CSMD1: variants seen among roughly 807,000 people sequenced by gnomAD.
CSMD1 encodes CUB and Sushi multiple domains 1.
In CSMD1, 213 loss-of-function variants were observed where a neutral mutation model predicts 417.5. That is an observed-to-expected ratio of 0.51 (90% CI 0.46 to 0.57). The LOEUF (loss-of-function observed/expected upper bound fraction) is 0.57, where lower values mean the gene tolerates loss of function less well. Among genes scored for constraint, CSMD1 ranks in the 20% least tolerant of loss-of-function variants. The pLI is 0.00. For synonymous variants in CSMD1, 2,862 were observed against 1,736.8 expected, an observed-to-expected ratio of 1.65 and a Z score of -16.11; for missense variants, 6,923 against 4,529.7, an observed-to-expected ratio of 1.53 and a Z score of -15.17.
intron 5 of CSMD1, among the ~76,000 whole-genome samples, chr8:3,977,486 T>C (rs73658516): frequency 6.6e-6 from 1 of 152,242 alleles, no homozygotes; most frequent in African/African-American, 2.4e-5. Context: ...AAAAAAAAAA[T>C]TAAGGAAAAC....
chr8:4,944,959 G>C (rs550724750), intron 1 of CSMD1, among the ~76,000 whole-genome samples: 2 of 152,318 alleles, frequency 1.3e-5, no homozygotes, highest in Admixed American at 6.5e-5. Flanking sequence ...ATGTCCACGT[G>C]TGTATCAGAG....
intron 42 of CSMD1, chr8:3,113,368 G>A (rs772296964): frequency 1.3e-5 from 2 of 152,286 alleles, no homozygotes; most frequent in Admixed American, 1.3e-4. Context: ...ATGAATACCC[G>A]GATGTTCACG....
intron 3 of CSMD1, among the ~76,000 whole-genome samples, chr8:4,233,631 C>T (rs924987044): frequency 6.6e-6 from 1 of 152,080 alleles, no homozygotes; most frequent in East Asian, 1.9e-4. Context: ...CTTGGACTGC[C>T]CAGATGCTCC....
intron 26 of CSMD1, among the ~76,000 whole-genome samples, chr8:3,262,098 A>T (rs1801109043): frequency 6.6e-6 from 1 of 150,758 alleles, no homozygotes; most frequent in African/African-American, 2.4e-5. Flanking sequence ...AAAAAAGTAA[A>T]GGTTATGTAT....
intron 3 of CSMD1, among the ~76,000 whole-genome samples, chr8:4,173,321 T>G (rs1264615493): frequency 6.6e-6 from 1 of 152,180 alleles, no homozygotes; most frequent in African/African-American, 2.4e-5. Context: ...ATTTGTGCTG[T>G]ATATGGCAAA....
chr8:4,241,576 G>A (rs1700108), intron 3 of CSMD1, among the ~76,000 whole-genome samples: 148,137 of 152,326 alleles, frequency 0.97, 72,166 homozygotes, highest in East Asian at 1. Context: ...TGGACACAGC[G>A]GACCCTAAAT....
chr8:2,963,733 G>A (rs139438105), intron 59 of CSMD1, among the ~76,000 whole-genome samples: 73 of 152,290 alleles, frequency 4.8e-4, no homozygotes, highest in South Asian at 2.3e-3. Context: ...AAGACAATTC[G>A]AATGAGGATT....
intron 11 of CSMD1, among the ~76,000 whole-genome samples, chr8:3,486,750 GT>G (rs1216165333): frequency 1.3e-5 from 2 of 152,136 alleles, no homozygotes; most frequent in Non-Finnish European, 2.9e-5. Context: ...CATCCAATGG[GT>G]CCCCAAGGTC....
chr8:3,708,553 A>G (rs1226692568), intron 6 of CSMD1, 62 bp from the exon 7 acceptor site: 2 of 1,395,872 alleles, frequency 1.4e-6, no homozygotes, highest in Non-Finnish European at 2.0e-6. Context: ...ACCATGTTGT[A>G]TCCACACAGC....
At chr8:4,165,113 T>C (rs1233688699) in intron 3 of CSMD1, among the ~76,000 whole-genome samples, 1 of 152,122 alleles carries the variant, frequency 6.6e-6, no homozygotes, top group Non-Finnish European at 1.5e-5. Flanking sequence ...AGAATTCATG[T>C]GCTGGTGCAT....
intron 4 of CSMD1, among the ~76,000 whole-genome samples, chr8:4,012,078 C>G (rs953002775): frequency 1.3e-5 from 2 of 151,992 alleles, no homozygotes; most frequent in Non-Finnish European, 2.9e-5. Flanking sequence ...ATATGCCTAG[C>G]TATATTGTAG....
chr8:4,548,677 A>G lies in CSMD1; in HGVS notation c.302+88665T>C, dbSNP rs547777331. Among the ~76,000 whole-genome samples, 10 of 152,294 alleles carry G rather than the reference A, an allele frequency of 6.6e-5. No individual in the cohort carries two copies. In the South Asian group the frequency reaches 1.2e-3, roughly 19 times the overall value. On this transcript the variant is annotated intron_variant, in intron 2 of 69. Coordinates refer to ENST00000635120, the MANE Select transcript of CSMD1 (RefSeq NM_033225.6). ...ATCACAATTAGGTGTTTGATTTTCC[A>G]TCTACCTGTCTACAAAGCATTTCTC... is the stretch of plus-strand genomic sequence containing the variant.
chr8:3,692,987 T>C (rs1258670693), intron 7 of CSMD1, among the ~76,000 whole-genome samples: 1 of 152,162 alleles, frequency 6.6e-6, no homozygotes, highest in African/African-American at 2.4e-5. Flanking sequence ...GACTTCTTTA[T>C]CATCAAAAGT....
chr8:4,095,699 G>T (rs984481437), intron 3 of CSMD1, among the ~76,000 whole-genome samples: 1 of 152,166 alleles, frequency 6.6e-6, no homozygotes, highest in Admixed American at 6.5e-5. Flanking sequence ...TAGAAGCTAT[G>T]ATGAGGTGCA....
chr8:4,511,270 A>G (rs984062571), intron 2 of CSMD1, among the ~76,000 whole-genome samples: 2 of 152,174 alleles, frequency 1.3e-5, no homozygotes, highest in Non-Finnish European at 2.9e-5. Context: ...ATTTCCAGAA[A>G]TAGTCCCAGG....
chr8:3,008,774 T>C (rs1422122685), intron 52 of CSMD1, among the ~76,000 whole-genome samples: 2 of 152,244 alleles, frequency 1.3e-5, no homozygotes, highest in South Asian at 2.1e-4. Flanking sequence ...AAAGGAGTTA[T>C]GCGGTTTGCA....
chr8:3,990,044 G>A (rs1011170825), intron 5 of CSMD1, among the ~76,000 whole-genome samples: 1 of 152,178 alleles, frequency 6.6e-6, no homozygotes, highest in Non-Finnish European at 1.5e-5. Context: ...GAGTTAAGCA[G>A]CATTATTTGA....
intron 49 of CSMD1, among the ~76,000 whole-genome samples, chr8:3,082,339 C>T (rs1258443875): frequency 6.6e-6 from 1 of 152,208 alleles, no homozygotes; most frequent in African/African-American, 2.4e-5. Context: ...GCCACGTAAA[C>T]TTGCAGCTGA....
chr8:4,109,235 A>T (rs924652504), intron 3 of CSMD1, among the ~76,000 whole-genome samples: 1 of 151,756 alleles, frequency 6.6e-6, no homozygotes, highest in Admixed American at 6.6e-5. Context: ...ACAACCATCC[A>T]TTTTTTTTCT....
Sources: gnomAD v4.1 joint callset for allele counts (sites outside exome capture counted in the v4.1 genomes callset) on GRCh38, gnomAD v4.1.1 for gene constraint, MANE v1.5 for transcripts, NCBI Gene and HGNC (gene_info 2026-07-23, HGNC 2026-07-21) for gene names.